Variants in RIN2 observed in about 807,000 individuals in gnomAD.
RIN2 encodes Ras and Rab interactor 2, also known as RAB5 interacting protein 2.
RIN2 carries 36 observed loss-of-function variants against 78.0 expected under a neutral mutation model. The ratio of observed to expected loss-of-function variants is 0.46; its 90% CI spans 0.35 to 0.61. The LOEUF is 0.61. Ranked by LOEUF, RIN2 falls within the 20% of genes least tolerant of loss-of-function variation. The pLI is 0.00. For missense variants in RIN2, 1,087 were observed against 1,159.7 expected (o/e 0.94, Z 0.91); for synonymous variants, 466 against 466.8 (o/e 1.00, Z 0.02).
intron 2 of RIN2, among the ~76,000 whole-genome samples, chr20:19,863,704 T>C (rs1183897512): frequency 6.6e-6 from 1 of 152,180 alleles, no homozygotes; most frequent in Non-Finnish European, 1.5e-5. Context: ...ATCCTTGCCT[T>C]GGGGTTTGCT....
chr20:19,783,839 G>A (rs1374897486), intron 1 of RIN2, among the ~76,000 whole-genome samples: 1 of 152,138 alleles, frequency 6.6e-6, no homozygotes, highest in Non-Finnish European at 1.5e-5. Flanking sequence ...GGGCTACTGG[G>A]GTCTGGGAAC....
intron 3 of RIN2, among the ~76,000 whole-genome samples, chr20:19,915,603 G>T (rs900170417): frequency 6.6e-6 from 1 of 152,190 alleles, no homozygotes; most frequent in Non-Finnish European, 1.5e-5. Context: ...GCATCAGAGC[G>T]CAGGTTCCAA....
intron 2 of RIN2, among the ~76,000 whole-genome samples, chr20:19,839,020 A>T (rs916630306): frequency 1.3e-5 from 2 of 152,130 alleles, no homozygotes; most frequent in Non-Finnish European, 2.9e-5. Context: ...TGGGAACAGG[A>T]TTCCAGCAGG....
intron 2 of RIN2, among the ~76,000 whole-genome samples, chr20:19,850,322 C>T (rs2036920283): frequency 6.6e-6 from 1 of 152,096 alleles, no homozygotes; most frequent in Non-Finnish European, 1.5e-5. Context: ...CAGCTGTTGT[C>T]CTAGCACAGT....
intron 3 of RIN2, among the ~76,000 whole-genome samples, chr20:19,903,378 C>A (rs1600744170): frequency 6.6e-6 from 1 of 152,112 alleles, no homozygotes; most frequent in Non-Finnish European, 1.5e-5. Flanking sequence ...CAGACCTGTT[C>A]CCTAGTGGCC....
chr20:19,850,329 C>T (rs1046675366), intron 2 of RIN2, among the ~76,000 whole-genome samples: 7 of 152,178 alleles, frequency 4.6e-5, no homozygotes, highest in Non-Finnish European at 1.0e-4. Flanking sequence ...TGTCCTAGCA[C>T]AGTCTGCAGC....
At chr20:19,877,068 T>C (rs2123409717) in intron 2 of RIN2, among the ~76,000 whole-genome samples, 1 of 152,288 alleles carries the variant, frequency 6.6e-6, no homozygotes, top group South Asian at 2.1e-4. Context: ...CAAAAGCACT[T>C]ACAGCCTTCT....
rs964166949 is a variant in RIN2, at chr20:19,842,828, T to C, written c.-37+43081T>C. Among the ~76,000 whole-genome samples the C allele has an allele frequency of 3.3e-5, 5 of 152,098 alleles. No individual in the cohort carries two copies. The East Asian group carries it at 7.7e-4, about 23-fold the overall frequency. ...TAGCTGCCATAGGTAGTGATTCCTC[T>C]GATGGATCTGAGCAAAATACATTGA... On this transcript the variant is annotated intron_variant, in intron 2 of 12. Transcript: ENST00000255006.
At chr20:19,850,721 T>G (rs1600614989) in intron 2 of RIN2, among the ~76,000 whole-genome samples, 1 of 152,140 alleles carries the variant, frequency 6.6e-6, no homozygotes, top group East Asian at 1.9e-4. Flanking sequence ...TCCCAGCACT[T>G]TGGAAGGCCG....
intron 1 of RIN2, among the ~76,000 whole-genome samples, chr20:19,785,453 C>A (rs762430507): frequency 6.6e-6 from 1 of 152,236 alleles, no homozygotes; most frequent in African/African-American, 2.4e-5. Context: ...GACTGAACTC[C>A]GGAGAGGAAA....
chr20:19,922,504 G>T (rs1436267496), intron 3 of RIN2, among the ~76,000 whole-genome samples: 1 of 152,042 alleles, frequency 6.6e-6, no homozygotes, highest in Middle Eastern at 3.2e-3. Context: ...AAAGGTCCAA[G>T]ATCTGAAAAA....
chr20:19,856,341 C>A (rs757713285), intron 2 of RIN2, among the ~76,000 whole-genome samples: 9 of 151,930 alleles, frequency 5.9e-5, no homozygotes, highest in Admixed American at 1.3e-4. Flanking sequence ...ATAGTGACAA[C>A]CCATCTCTAC....
At chr20:19,926,457 G>C (rs1005404075) in intron 3 of RIN2, among the ~76,000 whole-genome samples, 1 of 151,918 alleles carries the variant, frequency 6.6e-6, no homozygotes, top group Admixed American at 6.6e-5. Context: ...CAGTTCCTGG[G>C]GGCAAAGGTC....
intron 9 of RIN2, among the ~76,000 whole-genome samples, chr20:19,983,959 C>T (rs558077537): frequency 9.2e-5 from 14 of 151,926 alleles, no homozygotes; most frequent in African/African-American, 2.7e-4. Context: ...ATACATGTGC[C>T]GTGTTGGTTT....
rs570588098 is a variant in RIN2 at position 19,844,373 on chromosome 20, T to C, written c.-37+44626T>C. On this transcript the variant is annotated intron_variant, in intron 2 of 12. Transcript: ENST00000255006. ...AAACATGATAAATAATGGTGTTTAA[T>C]TTTGCTACAATTTTTCCTATTGCCA... Among the ~76,000 whole-genome samples, 50 of 152,348 alleles carry C rather than the reference T, an allele frequency of 3.3e-4. 1 individual carries two copies. In the South Asian group the frequency reaches 9.9e-3, roughly 30 times the overall value.
intron 3 of RIN2, among the ~76,000 whole-genome samples, chr20:19,928,578 G>A (rs2040319843): frequency 6.6e-6 from 1 of 152,194 alleles, no homozygotes; most frequent in African/African-American, 2.4e-5. Flanking sequence ...AGCAGGCCCA[G>A]CCTTGCCCAG....
intron 12 of RIN2, among the ~76,000 whole-genome samples, chr20:19,999,259 T>C (rs913441821): frequency 6.6e-6 from 1 of 151,974 alleles, no homozygotes; most frequent in Non-Finnish European, 1.5e-5. Flanking sequence ...CAAACAGGGA[T>C]TATGTAGACC....
In RIN2 at chr20:20,001,292, C is replaced by G. The variant is rs750039516; in HGVS notation, c.*356C>G. 1.7e-5 allele frequency: 3 copies of G among 172,032 alleles called. No homozygotes were observed. Among genetic ancestry groups the G allele is most frequent in the African/African-American group, 7.2e-5 (3 of 41,882 alleles). 10.7% of individuals were successfully genotyped at this position (172,032 alleles called of 1,614,324 possible). A position where few individuals can be genotyped will look rare whatever the true frequency, so the allele number is the denominator to read the frequency against. On this transcript the variant is annotated 3_prime_UTR_variant, in exon 13 of 13. Coordinates refer to ENST00000255006, the MANE Select transcript of RIN2 (RefSeq NM_018993.4). Reference sequence around the variant, plus strand: ...TTTTGAATTCAACAGCAGATGCTTGCGATGCAGTGCGTCAGGTGATTCTCA... The same window carrying G: ...TTTTGAATTCAACAGCAGATGCTTGGGATGCAGTGCGTCAGGTGATTCTCA...
intron 2 of RIN2, among the ~76,000 whole-genome samples, chr20:19,817,336 A>C (rs2035795580): frequency 6.6e-6 from 1 of 152,188 alleles, no homozygotes; most frequent in African/African-American, 2.4e-5. Flanking sequence ...TTCAAAGATG[A>C]AGGTTTCTAG....
Sources: gnomAD v4.1 joint callset for allele counts (sites outside exome capture counted in the v4.1 genomes callset) on GRCh38, gnomAD v4.1.1 for gene constraint, MANE v1.5 for transcripts, NCBI Gene and HGNC (gene_info 2026-07-23, HGNC 2026-07-21) for gene names.